COL18A1: variants seen among roughly 807,000 people sequenced by gnomAD.
COL18A1 encodes the protein collagen type XVIII alpha 1 chain, also known as collagen alpha-1(XVIII) chain.
In COL18A1, 133 loss-of-function variants were observed where a neutral mutation model predicts 168.0. The ratio of observed to expected loss-of-function variants is 0.79; its 90% CI spans 0.69 to 0.91. COL18A1 has a LOEUF of 0.91. Ranked by LOEUF, COL18A1 falls within the 40% of genes least tolerant of loss-of-function variation. The pLI is 0.00. For synonymous variants in COL18A1, 949 were observed against 809.0 expected (o/e 1.17, Z -2.94); for missense variants, 2,126 against 1,925.4 (o/e 1.10, Z -1.95).
In COL18A1 at chr21:45,509,580, C is replaced by T. The variant is rs2037449442; in HGVS notation, c.3474C>T (p.Ser1158=). ...GACCCACAAGCCCACCCGCCCACAG[C>T]CACCGCGACTTCCAGCCGGTGGTGA... is the stretch of plus-strand genomic sequence containing the variant. ...PARPTSPPAH[S]HRDFQPVLHL... is the part of the protein sequence containing the mutation. The change falls in exon 39 of 42, where the codon AGC becomes AGT. Residue 1158 remains serine, a synonymous_variant. Coordinates refer to ENST00000651438, the MANE Select transcript of COL18A1 (RefSeq NM_001379500.1). The T allele has an allele frequency of 2.6e-6, 4 of 1,523,348 alleles. No homozygotes were observed. In the South Asian group the frequency reaches 4.8e-5, roughly 18 times the overall value. The allele number at this position is 1,523,348 out of a possible 1,614,324, so 94.4% of individuals were successfully genotyped here.
At chr21:45,494,679 C>T (rs776283227) in intron 27 of COL18A1, 108 bp downstream of exon 27, 71 of 1,525,810 alleles carry the variant, frequency 4.7e-5, no homozygotes, top group African/African-American at 2.9e-4. Flanking sequence ...GGGCTCATCT[C>T]CCTAGTGCAG....
chr21:45,480,143 G>A lies in COL18A1; in HGVS notation c.1385G>A (p.Arg462Lys). ...GPPGPPGPSF[R>K]HDKLTFIDME... The stretch of plus-strand genomic sequence containing the variant: ...CCAGGGCCCCCAGGACCCTCCTTCA[G>A]ACACGACAAGCTGGTAAGTCCCGCC... The change falls in exon 11 of 42, where the codon AGA becomes AAA. Residue 462 changes from arginine to lysine, a missense_variant. Arg to Lys is a conservative substitution (Grantham distance 26). Coordinates refer to ENST00000651438, the MANE Select transcript of COL18A1 (RefSeq NM_001379500.1). The A allele has an allele frequency of 6.3e-7, 1 of 1,582,658 alleles. No homozygotes were observed.
intron 9 of COL18A1, among the ~76,000 whole-genome samples, chr21:45,479,097 G>A (rs1411758717): frequency 2.0e-5 from 3 of 152,150 alleles, no homozygotes; most frequent in Admixed American, 6.5e-5. Flanking sequence ...GTGGGGTGAT[G>A]ATCCACGGGG....
At chr21:45,413,633 A>G (rs1319012486) in intron 2 of COL18A1, among the ~76,000 whole-genome samples, 3 of 152,132 alleles carry the variant, frequency 2.0e-5, no homozygotes, top group Admixed American at 1.3e-4. Context: ...TTCTGTTATC[A>G]TCTCAGCCTT....
Position 45,513,140 on chromosome 21 carries a change from C to T in COL18A1, c.*742C>T, listed in dbSNP as rs1175515434. Reference sequence around the variant, plus strand: ...CAGCTCCACCCTGGCCGAGTCCAAGCTGGGAGATTCAAGGGACCCATGAGT... The same window carrying T: ...CAGCTCCACCCTGGCCGAGTCCAAGTTGGGAGATTCAAGGGACCCATGAGT... On this transcript the variant is annotated 3_prime_UTR_variant, in exon 42 of 42. Transcript: ENST00000651438. The T allele has an allele frequency of 2.0e-5, 3 of 152,452 alleles. No homozygotes were observed. Among genetic ancestry groups the T allele is most frequent in the Non-Finnish European group, 2.9e-5 (2 of 68,216 alleles). 9.4% of individuals were successfully genotyped at this position (152,452 alleles called of 1,614,324 possible). A position where few individuals can be genotyped will look rare whatever the true frequency, so the allele number is the denominator to read the frequency against.
intron 2 of COL18A1, among the ~76,000 whole-genome samples, chr21:45,440,651 TG>T (rs2034345762): frequency 6.8e-6 from 1 of 147,588 alleles, no homozygotes; most frequent in Non-Finnish European, 1.5e-5. Flanking sequence ...TGGGGCCTGC[TG>T]GGGTTTGAGC....
intron 32 of COL18A1, among the ~76,000 whole-genome samples, chr21:45,502,338 T>A (rs2036911019): frequency 6.6e-6 from 1 of 152,218 alleles, no homozygotes; most frequent in African/African-American, 2.4e-5. Context: ...CAGGGCCGTC[T>A]AAGGTCCCAC....
At chr21:45,408,704 G>T (rs1438754225) in intron 2 of COL18A1, 2 of 152,192 alleles carry the variant, frequency 1.3e-5, no homozygotes, top group East Asian at 3.9e-4. Context: ...CGGAGAGAGG[G>T]GCCCCCACAA....
chr21:45,473,284 A>T lies in COL18A1; in HGVS notation c.652-611A>T, dbSNP rs1165877699. On this transcript the variant is annotated intron_variant, in intron 3 of 41. Coordinates refer to ENST00000651438, the MANE Select transcript of COL18A1 (RefSeq NM_001379500.1). The surrounding 1 kb of genome is among the most constrained non-coding windows in gnomAD (Gnocchi z 4.0). ...CACCCTGGCACTCAGCCCAGGACTG[A>T]AGATGCCAGAGGGAGCGGTGGGTAG... Among the ~76,000 whole-genome samples the T allele has an allele frequency of 6.6e-6, 1 of 152,212 alleles. No individual in the cohort carries two copies. The highest frequency in any genetic ancestry group is 1.9e-4 in the East Asian group (1 of 5,186).
Position 45,497,077 on chromosome 21 carries a change from C to A in COL18A1, c.2605C>A (p.Pro869Thr). ...GTTTGCTGAGTCCAGCCGCCCCGGG[C>A]CTCCAGGATTGCCAGGTGAGGGTCC... The part of the protein sequence containing the change: ...NVFAESSRPG[P>T]PGLPGNQGPP... The change falls in exon 31 of 42, where the codon CCT becomes ACT. Residue 869 changes from proline (P) to threonine (T), a missense_variant. Coordinates refer to ENST00000651438, the MANE Select transcript of COL18A1 (RefSeq NM_001379500.1). 1 of 1,598,456 alleles carries A rather than the reference C, an allele frequency of 6.3e-7. No homozygotes were observed. The highest frequency in any genetic ancestry group is 8.5e-7 in the Non-Finnish European group (1 of 1,172,800).
chr21:45,434,036 G>GTGTGTGAGCAGGTGCATGGGCCAGA (rs1569285644), intron 2 of COL18A1, among the ~76,000 whole-genome samples: 2 of 129,558 alleles, frequency 1.5e-5, no homozygotes, highest in East Asian at 2.3e-4. Flanking sequence ...CATGAGCCAG[G>GTGTGTGAGCAGGTGCATGGGCCAGA]TGTGTGAGCA....
At chr21:45,507,536 G>A (rs2037290171) in intron 37 of COL18A1, 25 bp from the exon 38 acceptor site, 17 of 1,610,214 alleles carry the variant, frequency 1.1e-5, no homozygotes, top group South Asian at 2.2e-5. Flanking sequence ...CGCAGGTCCT[G>A]GGTGACCCTG....
Position 45,494,202 on chromosome 21 carries a change from T to C in COL18A1, c.2353-343T>C, listed in dbSNP as rs943714916. ...TCCACTATCCCACCCAGCTGTGCATTGGAGCTGGGGCCTGTGGCAACCAGG... is the reference window on the plus strand; with the variant it reads ...TCCACTATCCCACCCAGCTGTGCATCGGAGCTGGGGCCTGTGGCAACCAGG... On this transcript the variant is annotated intron_variant, in intron 26 of 41. Coordinates refer to ENST00000651438, the MANE Select transcript of COL18A1 (RefSeq NM_001379500.1). 10 of 494,840 alleles carry C rather than the reference T, an allele frequency of 2.0e-5. No individual in the cohort carries two copies. The Admixed American group carries it at 2.3e-4, about 11-fold the overall frequency. 30.7% of individuals were successfully genotyped at this position (494,840 alleles called of 1,614,324 possible). A position where few individuals can be genotyped will look rare whatever the true frequency, so the allele number is the denominator to read the frequency against.
chr21:45,487,525 G>C lies in COL18A1; in HGVS notation c.1896+16G>C. Reference sequence around the variant, plus strand: ...TGGGCCACAGGTAGTGTTGTGAGCTGGGCGTGGCCGGCTCTGAGGGGTAAG... The same window carrying C: ...TGGGCCACAGGTAGTGTTGTGAGCTCGGCGTGGCCGGCTCTGAGGGGTAAG... On this transcript the variant is annotated intron_variant, in intron 17 of 41. Transcript: ENST00000651438. The C allele has an allele frequency of 6.2e-7, 1 of 1,612,290 alleles. No homozygotes were observed. Among genetic ancestry groups the C allele is most frequent in the Non-Finnish European group, 8.5e-7 (1 of 1,179,990 alleles).
intron 2 of COL18A1, among the ~76,000 whole-genome samples, chr21:45,450,672 G>A (rs2034601408): frequency 6.6e-6 from 1 of 152,208 alleles, no homozygotes. Flanking sequence ...GAACCTTCCC[G>A]AAGACCAGAT....
chr21:45,415,795 G>T (rs553595941), intron 2 of COL18A1, among the ~76,000 whole-genome samples: 2 of 152,248 alleles, frequency 1.3e-5, no homozygotes, highest in Non-Finnish European at 2.9e-5. Context: ...CTGCAGCCGG[G>T]TGGAGCCCCA....
In COL18A1 at chr21:45,487,428, T is replaced by C; in HGVS notation, c.1834-19T>C. The C allele has an allele frequency of 1.2e-6, 2 of 1,612,002 alleles. No individual in the cohort carries two copies. Among genetic ancestry groups the C allele is most frequent in the Non-Finnish European group, 1.7e-6 (2 of 1,179,792 alleles). ...AAGAAGGGACACAGGCCCCTACGTG[T>C]CTCGTGTGTCTCTTCCAGGATGACA... On this transcript the variant is annotated intron_variant, in intron 16 of 41. Transcript: ENST00000651438.
At chr21:45,469,247 T>C (rs889448593) in intron 3 of COL18A1, among the ~76,000 whole-genome samples, 1 of 152,078 alleles carries the variant, frequency 6.6e-6, no homozygotes, top group Non-Finnish European at 1.5e-5. Context: ...GGGGACCGAG[T>C]CCAGGCCCAG....
chr21:45,437,976 T>C (rs868437881), intron 2 of COL18A1, among the ~76,000 whole-genome samples: 1 of 11,954 alleles, frequency 8.4e-5, no homozygotes, highest in African/African-American at 6.5e-4. Flanking sequence ...ACACACACAC[T>C]CACACACTCA....
Sources: allele counts gnomAD v4.1 joint callset (sites outside exome capture counted in the v4.1 genomes callset), GRCh38; gene constraint gnomAD v4.1.1; non-coding constraint Gnocchi (gnomAD v3.1); transcripts MANE v1.5; gene names NCBI Gene and HGNC (gene_info 2026-07-23, HGNC 2026-07-21).